CLEC16A: variants seen among roughly 807,000 people sequenced by gnomAD.
The protein encoded by CLEC16A is C-type lectin domain containing 16A.
In CLEC16A, 51 loss-of-function variants were observed where a neutral mutation model predicts 109.5. The observed-to-expected ratio is 0.47, with a 90% CI of 0.37 to 0.59. The LOEUF is 0.59. Ranked by LOEUF, CLEC16A falls within the 20% of genes least tolerant of loss-of-function variation. The pLI, the probability that CLEC16A is intolerant of heterozygous loss-of-function variation, is 0.00. For missense variants in CLEC16A, 1,339 were observed against 1,394.0 expected (o/e 0.96, Z 0.63); for synonymous variants, 673 against 564.2 (o/e 1.19, Z -2.73).
At chr16:11,006,212 G>T (rs763195778) in intron 11 of CLEC16A, among the ~76,000 whole-genome samples, 2 of 152,110 alleles carry the variant, frequency 1.3e-5, no homozygotes, top group Non-Finnish European at 2.9e-5. Flanking sequence ...CCTGACTTGG[G>T]TCCTCTTCCC....
At position 11,178,917 on chromosome 16, in the gene CLEC16A, C is replaced by T. The variant is rs199845026; in HGVS notation, c.*227C>T. On this transcript the variant is annotated 3_prime_UTR_variant, in exon 24 of 24. Transcript: ENST00000409790. This position sits in a 1 kb window ranked among gnomAD's most constrained non-coding sequence, Gnocchi z 6.5. ...TGCAGGCTGGGACCAGCGGAGACAC[C>T]GCGGCGAATGCAGATGACTGCACCG... is the stretch of plus-strand genomic sequence containing the variant. The T allele has an allele frequency of 5.1e-5, 25 of 485,866 alleles. No individual in the cohort carries two copies. Among genetic ancestry groups the T allele is most frequent in the African/African-American group, 4.1e-4 (21 of 50,856 alleles). 30.1% of individuals were successfully genotyped at this position (485,866 alleles called of 1,614,324 possible). A position where few individuals can be genotyped will look rare whatever the true frequency, so the allele number is the denominator to read the frequency against.
At chr16:11,115,458 A>G (rs545100413) in intron 19 of CLEC16A, among the ~76,000 whole-genome samples, 2 of 151,968 alleles carry the variant, frequency 1.3e-5, no homozygotes, top group African/African-American at 4.8e-5. Context: ...TATAGCCTCA[A>G]CCTCCCTGGG....
intron 11 of CLEC16A, among the ~76,000 whole-genome samples, chr16:11,004,748 A>G (rs2044886795): frequency 1.4e-5 from 2 of 145,488 alleles, no homozygotes; most frequent in African/African-American, 5.1e-5. Context: ...AGCGTAACCA[A>G]AATGTCTCTC....
At chr16:11,025,249 T>C (rs536194897) in intron 13 of CLEC16A, among the ~76,000 whole-genome samples, 2 of 152,324 alleles carry the variant, frequency 1.3e-5, no homozygotes, top group Non-Finnish European at 2.9e-5. Flanking sequence ...CTGACCTCTT[T>C]CCTAACATCA....
intron 18 of CLEC16A, among the ~76,000 whole-genome samples, chr16:11,053,848 G>T (rs1336401357): frequency 1.3e-5 from 2 of 152,230 alleles, no homozygotes; most frequent in Non-Finnish European, 2.9e-5. Flanking sequence ...CTCTGCTCAG[G>T]ACACTGGGAC....
At chr16:11,059,694 C>G (rs757972191) in intron 18 of CLEC16A, among the ~76,000 whole-genome samples, 3 of 152,234 alleles carry the variant, frequency 2.0e-5, no homozygotes, top group African/African-American at 7.2e-5. Flanking sequence ...CTGGGATTCG[C>G]CTTTGCAGCT....
intron 22 of CLEC16A, among the ~76,000 whole-genome samples, chr16:11,155,127 A>G (rs1257686765): frequency 2.0e-5 from 3 of 152,136 alleles, no homozygotes; most frequent in Non-Finnish European, 2.9e-5. Flanking sequence ...CCCTGTCTCC[A>G]AAAAAAGAGA....
At chr16:11,134,175 T>A (rs1258326814) in intron 22 of CLEC16A, among the ~76,000 whole-genome samples, 1 of 143,146 alleles carries the variant, frequency 7.0e-6, no homozygotes, top group Non-Finnish European at 1.5e-5. Flanking sequence ...TGAATTCCCC[T>A]TTTCTGATTT....
chr16:11,181,673 G>C lies in CLEC16A; in HGVS notation c.*2983G>C, dbSNP rs576065759. ...CTTCACCATCGCGTGGGATTGGGAG[G>C]AGGGGCCTCCGTGAGCAGCCCCTCC... is the stretch of plus-strand genomic sequence containing the variant. On this transcript the variant is annotated 3_prime_UTR_variant, in exon 24 of 24. Transcript: ENST00000409790. 6.6e-6 allele frequency: 1 copy of C among 152,422 alleles called. No homozygotes were observed. The highest frequency in any genetic ancestry group is 6.5e-5 in the Admixed American group (1 of 15,304). 9.4% of individuals were successfully genotyped at this position (152,422 alleles called of 1,614,324 possible).
At chr16:11,063,495 G>A (rs541910038) in intron 19 of CLEC16A, among the ~76,000 whole-genome samples, 22 of 152,114 alleles carry the variant, frequency 1.4e-4, no homozygotes, top group African/African-American at 4.6e-4. Flanking sequence ...AGCTGACTCC[G>A]GGAGAAATGT....
At chr16:11,129,914 C>A (rs867794068) in intron 22 of CLEC16A, among the ~76,000 whole-genome samples, 1 of 152,134 alleles carries the variant, frequency 6.6e-6, no homozygotes, top group South Asian at 2.1e-4. Context: ...AGGCGCCCAC[C>A]ACCACGCCCG....
At chr16:11,123,701 A>T in intron 20 of CLEC16A, 41 bp from the exon 21 acceptor site, 1 of 1,601,126 alleles carries the variant, frequency 6.2e-7, no homozygotes, top group Non-Finnish European at 8.6e-7. Flanking sequence ...CCCTCCTCCC[A>T]AACCCAACGA....
At chr16:10,950,204 C>T (rs1478835885) in intron 1 of CLEC16A, among the ~76,000 whole-genome samples, 1 of 152,186 alleles carries the variant, frequency 6.6e-6, no homozygotes, top group Non-Finnish European at 1.5e-5. Flanking sequence ...CATTGTCTTC[C>T]TTTGTTACAT....
chr16:11,159,155 C>G (rs1393358659), intron 22 of CLEC16A, among the ~76,000 whole-genome samples: 1 of 152,222 alleles, frequency 6.6e-6, no homozygotes, highest in Non-Finnish European at 1.5e-5. Flanking sequence ...TCTCCTGCAG[C>G]AGCAGTTAGA....
intron 19 of CLEC16A, among the ~76,000 whole-genome samples, chr16:11,098,046 G>A (rs1479349530): frequency 6.6e-6 from 1 of 152,206 alleles, no homozygotes; most frequent in African/African-American, 2.4e-5. Context: ...CGGTGCCCAG[G>A]TCACACCCCA....
intron 22 of CLEC16A, among the ~76,000 whole-genome samples, chr16:11,135,819 C>T (rs544366868): frequency 1.1e-4 from 16 of 152,362 alleles, no homozygotes; most frequent in African/African-American, 3.6e-4. Context: ...AGTGGCAGAG[C>T]GGGTGGCTTG....
chr16:11,033,506 G>A (rs1389701011), intron 13 of CLEC16A, among the ~76,000 whole-genome samples: 1 of 152,156 alleles, frequency 6.6e-6, no homozygotes, highest in Non-Finnish European at 1.5e-5. Flanking sequence ...GCTCAGTCCT[G>A]GCCTGTGAGC....
intron 22 of CLEC16A, among the ~76,000 whole-genome samples, chr16:11,155,699 C>T (rs2153083716): frequency 6.6e-6 from 1 of 152,324 alleles, no homozygotes; most frequent in Non-Finnish European, 1.5e-5. Flanking sequence ...AGAACGTCAT[C>T]AGCCATCGGT....
chr16:11,016,405 G>A (rs1183244562), intron 11 of CLEC16A, among the ~76,000 whole-genome samples: 5 of 149,686 alleles, frequency 3.3e-5, no homozygotes, highest in Non-Finnish European at 5.9e-5. Context: ...CTGGAGTGCA[G>A]TGGCCCAATC....
Sources: allele counts gnomAD v4.1 joint callset (sites outside exome capture counted in the v4.1 genomes callset), GRCh38; gene constraint gnomAD v4.1.1; non-coding constraint Gnocchi (gnomAD v3.1); transcripts MANE v1.5; gene names NCBI Gene and HGNC (gene_info 2026-07-23, HGNC 2026-07-21).